GMDS: variants seen among roughly 807,000 people sequenced by gnomAD.
GMDS encodes GDP-mannose 4,6-dehydratase.
GMDS carries 20 observed loss-of-function variants against 49.9 expected under a neutral mutation model. The ratio of observed to expected loss-of-function variants is 0.40; its 90% CI spans 0.28 to 0.58. GMDS has a LOEUF of 0.58. Among genes scored for constraint, GMDS ranks in the 20% least tolerant of loss-of-function variants. The pLI, the probability that GMDS is intolerant of heterozygous loss-of-function variation, is 0.42. For synonymous variants in GMDS, 177 were observed against 178.6 expected (o/e 0.99, Z 0.07); for missense variants, 362 against 481.4 (o/e 0.75, Z 2.32).
intron 9 of GMDS, among the ~76,000 whole-genome samples, chr6:1,630,699 T>C (rs1424001281): frequency 1.3e-5 from 2 of 152,272 alleles, no homozygotes; most frequent in South Asian, 2.1e-4. Flanking sequence ...TACAAGGTGC[T>C]GCGTCTGTCT....
rs949413443 is a variant in GMDS, at chr6:1,664,551, A to G, written c.988-40011T>C. On this transcript the variant is annotated intron_variant, in intron 9 of 10. Coordinates refer to ENST00000380815, the MANE Select transcript of GMDS (RefSeq NM_001500.4). ...ATTCATGGTGTCTGGCCACTCCTACAGGCACAGCACGGACAATCACATAAC... is the reference window on the plus strand; with the variant it reads ...ATTCATGGTGTCTGGCCACTCCTACGGGCACAGCACGGACAATCACATAAC... Among the ~76,000 whole-genome samples the G allele has an allele frequency of 5.3e-5, 8 of 152,330 alleles. No individual in the cohort carries two copies. The East Asian group carries it at 1.5e-3, about 29-fold the overall frequency.
At chr6:1,959,075 A>G (rs1296658837) in intron 6 of GMDS, among the ~76,000 whole-genome samples, 2 of 152,258 alleles carry the variant, frequency 1.3e-5, no homozygotes, top group African/African-American at 4.8e-5. Flanking sequence ...TTCTAAATTA[A>G]GAGCTGACTT....
intron 7 of GMDS, among the ~76,000 whole-genome samples, chr6:1,765,701 C>T (rs1368262159): frequency 1.3e-5 from 2 of 152,144 alleles, no homozygotes; most frequent in Admixed American, 6.5e-5. Context: ...CAATCTACCC[C>T]GTCTAAATGA....
intron 9 of GMDS, among the ~76,000 whole-genome samples, chr6:1,646,721 G>C (rs182116337): frequency 6.6e-6 from 1 of 152,228 alleles, no homozygotes; most frequent in African/African-American, 2.4e-5. Flanking sequence ...CCTTTTCCAG[G>C]TTTATTTCCC....
chr6:1,862,937 CA>C (rs1758262627), intron 7 of GMDS, among the ~76,000 whole-genome samples: 1 of 151,984 alleles, frequency 6.6e-6, no homozygotes, highest in South Asian at 2.1e-4. Flanking sequence ...GAAAACATCC[CA>C]AAAATTGGAT....
intron 7 of GMDS, among the ~76,000 whole-genome samples, chr6:1,806,455 C>CAT: frequency 6.6e-6 from 1 of 151,908 alleles, no homozygotes; most frequent in East Asian, 1.9e-4. Flanking sequence ...CACACACACA[C>CAT]ACACACACAC....
chr6:2,159,160 C>T (rs1311994859), intron 1 of GMDS, among the ~76,000 whole-genome samples: 1 of 152,040 alleles, frequency 6.6e-6, no homozygotes, highest in East Asian at 1.9e-4. Flanking sequence ...TAAATTTAGG[C>T]CAAAAAAGTT....
chr6:1,975,602 C>T (rs1400665661), intron 4 of GMDS, among the ~76,000 whole-genome samples: 1 of 152,170 alleles, frequency 6.6e-6, no homozygotes, highest in East Asian at 1.9e-4. Flanking sequence ...AGGGAATACA[C>T]TATGAAAATC....
At chr6:2,126,568 C>G (rs1775451182) in intron 1 of GMDS, among the ~76,000 whole-genome samples, 2 of 152,164 alleles carry the variant, frequency 1.3e-5, no homozygotes, top group African/African-American at 4.8e-5. Context: ...TAAATTCAGG[C>G]AGAATGACAA....
At chr6:1,853,040 T>C (rs1308129865) in intron 7 of GMDS, among the ~76,000 whole-genome samples, 1 of 151,980 alleles carries the variant, frequency 6.6e-6, no homozygotes, top group Admixed American at 6.6e-5. Flanking sequence ...TTGGAGAATG[T>C]TCTCATTTCT....
intron 9 of GMDS, among the ~76,000 whole-genome samples, chr6:1,655,250 C>T (rs1355840600): frequency 6.6e-6 from 1 of 152,012 alleles, no homozygotes; most frequent in Non-Finnish European, 1.5e-5. Context: ...ATCATTAGTG[C>T]CTAGCACAGT....
intron 7 of GMDS, among the ~76,000 whole-genome samples, chr6:1,756,285 T>TG (rs1384570421): frequency 1.3e-5 from 2 of 149,114 alleles, no homozygotes; most frequent in African/African-American, 2.5e-5. Flanking sequence ...TTTTTTGAGA[T>TG]GGAGTTTCGC....
At chr6:2,050,585 T>C (rs1303543999) in intron 4 of GMDS, among the ~76,000 whole-genome samples, 1 of 152,142 alleles carries the variant, frequency 6.6e-6, no homozygotes, top group Non-Finnish European at 1.5e-5. Flanking sequence ...AAAAAGAGAA[T>C]TTTAGACCAA....
At chr6:1,993,998 A>G (rs1252823464) in intron 4 of GMDS, among the ~76,000 whole-genome samples, 1 of 152,208 alleles carries the variant, frequency 6.6e-6, no homozygotes, top group East Asian at 1.9e-4. Context: ...AAGGAAGTGA[A>G]GACAGTAGCC....
At chr6:1,899,010 C>A (rs1406936502) in intron 7 of GMDS, among the ~76,000 whole-genome samples, 1 of 152,202 alleles carries the variant, frequency 6.6e-6, no homozygotes, top group African/African-American at 2.4e-5. Context: ...GCTTCATGAG[C>A]TTTCGCCTGC....
intron 7 of GMDS, among the ~76,000 whole-genome samples, chr6:1,755,119 T>C (rs1767891860): frequency 6.6e-6 from 1 of 152,202 alleles, no homozygotes; most frequent in Non-Finnish European, 1.5e-5. Context: ...CATGATTGTA[T>C]ATTTAGAAAA....
At position 2,245,440 on chromosome 6, in the gene GMDS, C is replaced by A; in HGVS notation, c.-18G>T. 1.4e-6 allele frequency: 2 copies of A among 1,425,536 alleles called. No homozygotes were observed. Among genetic ancestry groups the A allele is most frequent in the Non-Finnish European group, 1.8e-6 (2 of 1,092,566 alleles). The allele number at this position is 1,425,536 out of a possible 1,614,324, so 88.3% of individuals were successfully genotyped here. On this transcript the variant is annotated 5_prime_UTR_variant, in exon 1 of 11. Coordinates refer to ENST00000380815, the MANE Select transcript of GMDS (RefSeq NM_001500.4). ...TGTGCCATGTCCCGCGGCGGGCGTG[C>A]GGTCGGCGGCAGGGCGGAGCGCGGC...
intron 7 of GMDS, among the ~76,000 whole-genome samples, chr6:1,807,775 G>A (rs1226822296): frequency 1.3e-5 from 2 of 152,110 alleles, no homozygotes; most frequent in Non-Finnish European, 2.9e-5. Flanking sequence ...AGGTAAATGT[G>A]AAAGCCACAA....
chr6:2,071,394 G>C (rs771259784), intron 4 of GMDS, among the ~76,000 whole-genome samples: 1 of 152,022 alleles, frequency 6.6e-6, no homozygotes, highest in Non-Finnish European at 1.5e-5. Context: ...ACAAGAGTTT[G>C]TCCTGTGTGA....
Sources: gnomAD v4.1 joint callset for allele counts (sites outside exome capture counted in the v4.1 genomes callset) on GRCh38, gnomAD v4.1.1 for gene constraint, MANE v1.5 for transcripts, NCBI Gene and HGNC (gene_info 2026-07-23, HGNC 2026-07-21) for gene names.